Variants in LRP1B observed in about 807,000 individuals in gnomAD.
The protein encoded by LRP1B is LDL receptor related protein 1B, also known as low-density lipoprotein receptor-related protein 1B.
A neutral mutation model predicts 556.6 loss-of-function variants in LRP1B; 217 were observed. The observed-to-expected ratio is 0.39, with a 90% CI of 0.35 to 0.44. The LOEUF (loss-of-function observed/expected upper bound fraction) is 0.44, where lower values mean the gene tolerates loss of function less well. LRP1B is among the 20% of genes least tolerant of loss of function. The pLI, the probability that LRP1B is intolerant of heterozygous loss-of-function variation, is 1.00. For missense variants in LRP1B, 5,053 were observed against 5,620.8 expected (o/e 0.90, Z 3.23); for synonymous variants, 2,047 against 1,865.8 (o/e 1.10, Z -2.50).
chr2:140,748,743 T>A lies in LRP1B; in HGVS notation c.5758+20470A>T, dbSNP rs1211574319. ...CATATATATGAATATTATATGTATA[T>A]AATATGATATATATTATATACATGT... On this transcript the variant is annotated intron_variant, in intron 35 of 90. Transcript: ENST00000389484. Among the ~76,000 whole-genome samples the A allele has an allele frequency of 3.4e-5, 4 of 117,546 alleles. No homozygotes were observed. The East Asian group carries it at 1.1e-3, about 34-fold the overall frequency. 77.1% of individuals were successfully genotyped at this position (117,546 alleles called of 152,430 possible). A position where few individuals can be genotyped will look rare whatever the true frequency, so the allele number is the denominator to read the frequency against.
At chr2:140,331,903 G>C (rs1245956748) in intron 79 of LRP1B, among the ~76,000 whole-genome samples, 1 of 151,658 alleles carries the variant, frequency 6.6e-6, no homozygotes, top group Non-Finnish European at 1.5e-5. Context: ...TGCCATGTTG[G>C]GCAGGCTGGT....
At chr2:141,453,839 A>C (rs1203575894) in intron 3 of LRP1B, among the ~76,000 whole-genome samples, 2 of 151,696 alleles carry the variant, frequency 1.3e-5, no homozygotes, top group Non-Finnish European at 2.9e-5. Context: ...GCTTGAACCC[A>C]GAGTGGGATG....
chr2:141,405,789 A>C (rs1690611502), intron 3 of LRP1B, among the ~76,000 whole-genome samples: 2 of 152,142 alleles, frequency 1.3e-5, no homozygotes, highest in Non-Finnish European at 2.9e-5. Context: ...AAAATTTGGC[A>C]TTTTGGATAA....
intron 2 of LRP1B, among the ~76,000 whole-genome samples, chr2:141,537,998 C>G (rs776050862): frequency 1.6e-4 from 24 of 152,156 alleles, no homozygotes; most frequent in Non-Finnish European, 3.4e-4. Flanking sequence ...ACATTGTATC[C>G]TGGGTCCTGA....
chr2:140,294,942 T>A (rs934784824), intron 84 of LRP1B, among the ~76,000 whole-genome samples: 2 of 152,178 alleles, frequency 1.3e-5, no homozygotes, highest in African/African-American at 2.4e-5. Flanking sequence ...AGTGGCGTGA[T>A]CTCGGCTCAC....
At chr2:141,328,526 T>C (rs1365972145) in intron 3 of LRP1B, among the ~76,000 whole-genome samples, 2 of 152,162 alleles carry the variant, frequency 1.3e-5, no homozygotes. Context: ...AGACCCAAGA[T>C]ATAACTTCAG....
At chr2:141,576,753 CA>C (rs72183984) in intron 2 of LRP1B, among the ~76,000 whole-genome samples, 45,469 of 92,368 alleles carry the variant, frequency 0.49, 8,728 homozygotes, top group African/African-American at 0.56. Flanking sequence ...GCCCCTGTCT[CA>C]AAAAAAAAAA....
chr2:141,642,536 T>A (rs1402540063), intron 2 of LRP1B, among the ~76,000 whole-genome samples: 3 of 152,134 alleles, frequency 2.0e-5, no homozygotes, highest in African/African-American at 7.2e-5. Flanking sequence ...ATAGAAATGT[T>A]ACAGAAAGAA....
chr2:140,719,674 C>T (rs1252201775), intron 35 of LRP1B, among the ~76,000 whole-genome samples: 2 of 151,998 alleles, frequency 1.3e-5, no homozygotes, highest in African/African-American at 4.8e-5. Flanking sequence ...GTTTGTAATA[C>T]TGAAGCTATC....
chr2:141,922,903 C>T (rs879280145), intron 1 of LRP1B, among the ~76,000 whole-genome samples: 7 of 151,796 alleles, frequency 4.6e-5, no homozygotes, highest in Non-Finnish European at 8.8e-5. Flanking sequence ...AGTTCAAGAC[C>T]AGCCTGGGTA....
chr2:140,997,986 C>T (rs1558790655), intron 15 of LRP1B, among the ~76,000 whole-genome samples: 2 of 151,992 alleles, frequency 1.3e-5, no homozygotes, highest in African/African-American at 4.8e-5. Flanking sequence ...CATAAATATT[C>T]ATCTGGATGG....
intron 2 of LRP1B, among the ~76,000 whole-genome samples, chr2:141,809,310 G>A (rs1696261665): frequency 6.6e-6 from 1 of 152,072 alleles, no homozygotes; most frequent in African/African-American, 2.4e-5. Flanking sequence ...CTTGTAAATG[G>A]AAAGATGAAA....
chr2:141,461,144 A>G (rs531507005), intron 3 of LRP1B, among the ~76,000 whole-genome samples: 24 of 152,278 alleles, frequency 1.6e-4, no homozygotes, highest in African/African-American at 5.3e-4. Flanking sequence ...AGCTAAGGAC[A>G]GAGCCTGCAT....
chr2:140,531,008 G>T (rs935563627), intron 47 of LRP1B, among the ~76,000 whole-genome samples: 3 of 152,084 alleles, frequency 2.0e-5, no homozygotes, highest in Admixed American at 6.6e-5. Flanking sequence ...AAGACTTACT[G>T]CTTCAACCAG....
intron 1 of LRP1B, among the ~76,000 whole-genome samples, chr2:142,051,481 T>G (rs12473022): frequency 6.0e-5 from 2 of 33,234 alleles, no homozygotes; most frequent in African/African-American, 1.3e-4. Flanking sequence ...GTTTTTTTGT[T>G]TTTTTTTTGT....
At chr2:141,692,223 A>G (rs182072240) in intron 2 of LRP1B, among the ~76,000 whole-genome samples, 121 of 152,156 alleles carry the variant, frequency 8.0e-4, no homozygotes, top group Admixed American at 3.5e-3. Flanking sequence ...ACATAAAATC[A>G]TTCAATGATT....
At chr2:140,782,705 T>A (rs1689743294) in intron 32 of LRP1B, among the ~76,000 whole-genome samples, 1 of 152,136 alleles carries the variant, frequency 6.6e-6, no homozygotes, top group Non-Finnish European at 1.5e-5. Flanking sequence ...AAATATAAAT[T>A]GATCCTACCA....
At chr2:140,710,480 T>C (rs969003642) in intron 37 of LRP1B, among the ~76,000 whole-genome samples, 11 of 152,054 alleles carry the variant, frequency 7.2e-5, no homozygotes, top group African/African-American at 2.7e-4. Context: ...ATTTTATTAC[T>C]ATTTTGCATA....
At chr2:141,202,337 T>C (rs1558929542) in intron 6 of LRP1B, among the ~76,000 whole-genome samples, 1 of 152,244 alleles carries the variant, frequency 6.6e-6, no homozygotes, top group African/African-American at 2.4e-5. Context: ...TAAGGTTGAT[T>C]CCACATCTTT....
Sources: gnomAD v4.1 joint callset for allele counts (sites outside exome capture counted in the v4.1 genomes callset) on GRCh38, gnomAD v4.1.1 for gene constraint, MANE v1.5 for transcripts, NCBI Gene and HGNC (gene_info 2026-07-23, HGNC 2026-07-21) for gene names.